DIAPH1: variants seen among roughly 807,000 people sequenced by gnomAD.
DIAPH1 encodes diaphanous related formin 1, also known as protein diaphanous homolog 1.
In DIAPH1, 46 loss-of-function variants were observed where a neutral mutation model predicts 140.7. The ratio of observed to expected loss-of-function variants is 0.33; its 90% confidence interval spans 0.26 to 0.42. The LOEUF (loss-of-function observed/expected upper bound fraction) is 0.42, where lower values mean the gene tolerates loss of function less well. Among genes scored for constraint, DIAPH1 ranks in the 10% least tolerant of loss-of-function variants. The pLI is 1.00. For missense variants in DIAPH1, 1,310 were observed against 1,558.7 expected (o/e 0.84, Z 2.69); for synonymous variants, 565 against 551.6 (o/e 1.02, Z -0.34).
chr5:141,542,215 T>C (rs767532609), intron 18 of DIAPH1, among the ~76,000 whole-genome samples: 4 of 152,062 alleles, frequency 2.6e-5, no homozygotes, highest in Non-Finnish European at 4.4e-5. Flanking sequence ...AGGCGGATCA[T>C]GAGATCAGGA....
At chr5:141,539,683 T>C (rs572064458) in intron 18 of DIAPH1, among the ~76,000 whole-genome samples, 1 of 152,286 alleles carries the variant, frequency 6.6e-6, no homozygotes, top group Non-Finnish European at 1.5e-5. Flanking sequence ...TTCTGGGAAC[T>C]TGCCATTTCA....
chr5:141,595,249 T>C lies in DIAPH1; in HGVS notation c.118-6999A>G, dbSNP rs1213787072. 2.6e-5 allele frequency among the ~76,000 whole-genome samples: 4 copies of C among 152,258 alleles called. No individual in the cohort carries two copies. In the East Asian group the frequency reaches 5.8e-4, roughly 22 times the overall value. On this transcript the variant is annotated intron_variant, in intron 1 of 27. Transcript: ENST00000389054. ...GTGAAAAATACTCTGTATGATACTA[T>C]AGTGATGGATATATGTCATTCATGG...
At position 141,582,341 on chromosome 5, in the gene DIAPH1, G is replaced by A. The variant is rs1220362809; in HGVS notation, c.655C>T (p.Arg219Cys). 4 of 1,613,912 alleles carry A rather than the reference G, an allele frequency of 2.5e-6. No homozygotes were observed. The highest frequency in any genetic ancestry group is 2.5e-6 in the Non-Finnish European group (3 of 1,179,842). ...TTGTTCATAAAAGCTTTCAAGCAGC[G>A]AATGATCTCATGCTTGTTCCGGCTA... ...YDSRNKHEII[R>C]CLKAFMNNKF... The change falls in exon 7 of 28, where the codon CGC (arginine) becomes TGC (cysteine). Residue 219 changes from arginine (R) to cysteine (C), a missense_variant. Arg to Cys is a radical substitution (Grantham distance 180). Transcript: ENST00000389054.
intron 1 of DIAPH1, among the ~76,000 whole-genome samples, chr5:141,610,395 G>C (rs1335908722): frequency 6.6e-6 from 1 of 152,152 alleles, no homozygotes; most frequent in Non-Finnish European, 1.5e-5. Flanking sequence ...CCACCTCCCA[G>C]GTTCAAGCAA....
At chr5:141,614,816 A>T (rs1436913299) in intron 1 of DIAPH1, among the ~76,000 whole-genome samples, 1 of 17,734 alleles carries the variant, frequency 5.6e-5, no homozygotes, top group Admixed American at 6.7e-4. Context: ...ATCATCTGTT[A>T]AAAAAAAAAA....
intron 18 of DIAPH1, among the ~76,000 whole-genome samples, chr5:141,535,848 G>A (rs1047899444): frequency 4.6e-5 from 7 of 152,248 alleles, no homozygotes; most frequent in Non-Finnish European, 8.8e-5. Context: ...CTGAGCAGAG[G>A]AATGGGGTGT....
intron 18 of DIAPH1, among the ~76,000 whole-genome samples, chr5:141,558,854 A>C (rs868769363): frequency 6.6e-6 from 1 of 151,990 alleles, no homozygotes; most frequent in African/African-American, 2.4e-5. Flanking sequence ...AGTTTATCCA[A>C]CGTCCCTAAA....
chr5:141,609,465 T>C (rs965335745), intron 1 of DIAPH1, among the ~76,000 whole-genome samples: 6 of 152,244 alleles, frequency 3.9e-5, no homozygotes, highest in African/African-American at 1.4e-4. Context: ...GTTTGAATCC[T>C]AGCTCTGTCA....
chr5:141,537,282 G>A (rs374238512), intron 18 of DIAPH1, among the ~76,000 whole-genome samples: 155 of 151,832 alleles, frequency 1.0e-3, no homozygotes, highest in African/African-American at 3.4e-3. Context: ...TCGGGAGTTC[G>A]AGACCAGCCT....
Position 141,573,737 on chromosome 5 carries a change from G to T in DIAPH1, c.2113C>A (p.Pro705Thr), listed in dbSNP as rs2099895542. The T allele has an allele frequency of 1.3e-6, 2 of 1,490,346 alleles. No homozygotes were observed. The highest frequency in any genetic ancestry group is 1.8e-6 in the Non-Finnish European group (2 of 1,106,010). 92.3% of individuals were successfully genotyped at this position (1,490,346 alleles called of 1,614,324 possible). A position where few individuals can be genotyped will look rare whatever the true frequency, so the allele number is the denominator to read the frequency against. The change falls in exon 16 of 28, where the codon CCT (proline) becomes ACT (threonine). Residue 705 changes from proline (P) to threonine (T), a missense_variant. Physicochemically the swap from Pro to Thr is conservative, Grantham distance 38. This residue lies in a region of DIAPH1 where 589 missense variants were observed against 549.3 expected (regional missense o/e 1.07). Transcript: ENST00000389054. The stretch of plus-strand genomic sequence containing the variant: ...ATTCCTGCTTCTCCAGGCAAGGGAG[G>T]AGGTGGGGGGGGAATTCCAGCACTC... ...PGSAGIPPPP[P>T]PLPGEAGMPP...
chr5:141,555,319 C>T (rs1247417105), intron 18 of DIAPH1, among the ~76,000 whole-genome samples: 3 of 152,168 alleles, frequency 2.0e-5, no homozygotes, highest in Admixed American at 6.5e-5. Context: ...CTGGGCACCA[C>T]CTATTTTATT....
In DIAPH1 at chr5:141,580,827, G is replaced by C. The variant is rs773504574; in HGVS notation, c.741C>G (p.Ala247=). The change falls in exon 8 of 28, where the codon GCC becomes GCG. Residue 247 remains alanine (A), a synonymous_variant. Coordinates refer to ENST00000389054, the MANE Select transcript of DIAPH1 (RefSeq NM_005219.5). ...TEEGILLLVR[A]MDPAVPNMMI... ...TCATGTTGGGAACAGCAGGATCCAT[G>C]GCTCTGACCAGCAGTAGGATTCCTT... 10 of 1,614,052 alleles carry C rather than the reference G, an allele frequency of 6.2e-6. No individual in the cohort carries two copies. The highest frequency in any genetic ancestry group is 7.6e-6 in the Non-Finnish European group (9 of 1,180,022).
intron 18 of DIAPH1, 62 bp downstream of exon 18, chr5:141,571,360 TTATATC>T: frequency 7.7e-7 from 1 of 1,295,908 alleles, no homozygotes; most frequent in Non-Finnish European, 1.1e-6. Context: ...AGAAATTCCT[TTATATC>T]TATTTCATCT....
chr5:141,518,995 G>A (rs1178997925), intron 27 of DIAPH1: 8 of 1,550,548 alleles, frequency 5.2e-6, no homozygotes, highest in Middle Eastern at 1.7e-4. Context: ...ACAAGAGGTT[G>A]TCTACCAAGA....
chr5:141,555,766 G>C (rs2099892475), intron 18 of DIAPH1, among the ~76,000 whole-genome samples: 1 of 152,208 alleles, frequency 6.6e-6, no homozygotes, highest in Admixed American at 6.5e-5. Context: ...GTAGAAAAGA[G>C]AGACCCTTAC....
chr5:141,559,090 C>T (rs2099893112), intron 18 of DIAPH1, among the ~76,000 whole-genome samples: 1 of 152,146 alleles, frequency 6.6e-6, no homozygotes, highest in African/African-American at 2.4e-5. Context: ...CCAAGTTCAC[C>T]TAGCATACAA....
chr5:141,518,829 A>G, intron 27 of DIAPH1: 1 of 1,034,884 alleles, frequency 9.7e-7, no homozygotes, highest in Admixed American at 2.0e-5. Flanking sequence ...GCCAAAGCCC[A>G]AGTCTTAACC....
At chr5:141,544,907 CA>C (rs1483168190) in intron 18 of DIAPH1, among the ~76,000 whole-genome samples, 1 of 152,142 alleles carries the variant, frequency 6.6e-6, no homozygotes, top group Non-Finnish European at 1.5e-5. Flanking sequence ...TTTATCCCTC[CA>C]AAATGAAAAT....
intron 1 of DIAPH1, among the ~76,000 whole-genome samples, chr5:141,591,482 C>CACCT (rs1325956402): frequency 2.0e-5 from 3 of 151,248 alleles, no homozygotes; most frequent in Admixed American, 1.3e-4. Flanking sequence ...AAGTCTATTA[C>CACCT]ACCTCTTCAT....
Sources: allele counts gnomAD v4.1 joint callset (sites outside exome capture counted in the v4.1 genomes callset), GRCh38; gene constraint gnomAD v4.1.1; regional missense constraint gnomAD v4.1.1; transcripts MANE v1.5; gene names NCBI Gene and HGNC (gene_info 2026-07-23, HGNC 2026-07-21).